TAF4B: variants seen among roughly 807,000 people sequenced by gnomAD.
TAF4B encodes the protein transcription initiation factor TFIID subunit 4B.
Under a neutral mutation model 86.4 loss-of-function variants are expected in TAF4B, and 38 were observed. The ratio of observed to expected loss-of-function variants is 0.44; its 90% confidence interval spans 0.34 to 0.58. TAF4B has a LOEUF of 0.58. Among genes scored for constraint, TAF4B ranks in the 20% least tolerant of loss-of-function variants. The probability of loss-of-function intolerance (pLI) is 0.02; values close to 1 mark genes in which losing one functional copy is unlikely to be tolerated. For missense variants in TAF4B, 988 were observed against 1,027.6 expected, an observed-to-expected ratio of 0.96 and a Z score of 0.53; for synonymous variants, 388 against 391.2, an observed-to-expected ratio of 0.99 and a Z score of 0.10.
At chr18:26,268,823 T>C (rs1490720423) in intron 3 of TAF4B, among the ~76,000 whole-genome samples, 1 of 151,684 alleles carries the variant, frequency 6.6e-6, no homozygotes, top group Non-Finnish European at 1.5e-5. Flanking sequence ...TGTTTTGTTT[T>C]ATTTTATTTT....
intron 13 of TAF4B, among the ~76,000 whole-genome samples, chr18:26,339,895 A>G (rs1037237816): frequency 1.3e-5 from 2 of 152,226 alleles, no homozygotes. Context: ...TCCTTTGGGA[A>G]ATGTGAGTTC....
chr18:26,238,827 A>G (rs950089563), intron 1 of TAF4B, among the ~76,000 whole-genome samples: 3 of 152,166 alleles, frequency 2.0e-5, no homozygotes, highest in Non-Finnish European at 2.9e-5. Context: ...CCTATGAGAT[A>G]GAACATGCGG....
At chr18:26,284,800 CAG>C (rs1409458337) in intron 6 of TAF4B, among the ~76,000 whole-genome samples, 4 of 151,994 alleles carry the variant, frequency 2.6e-5, no homozygotes, top group African/African-American at 4.8e-5. Context: ...ACTCAGGAGG[CAG>C]AGGTTGCAGA....
intron 13 of TAF4B, among the ~76,000 whole-genome samples, chr18:26,346,579 G>T (rs2057181099): frequency 6.6e-6 from 1 of 150,888 alleles, no homozygotes; most frequent in East Asian, 2.0e-4. Context: ...AGTCAAAGTC[G>T]ATTCTAAAAG....
intron 13 of TAF4B, among the ~76,000 whole-genome samples, chr18:26,355,316 C>T (rs1211276658): frequency 6.6e-6 from 1 of 152,116 alleles, no homozygotes; most frequent in Non-Finnish European, 1.5e-5. Context: ...CACAGATAAT[C>T]GTATCATTTG....
rs535376138 is a variant in TAF4B at position 26,390,112 on chromosome 18, C to A, written c.*100C>A. 3.8e-4 allele frequency: 477 copies of A among 1,258,004 alleles called. 2 individuals carry two copies. The African/African-American group carries it at 6.7e-3, about 18-fold the overall frequency. 77.9% of individuals were successfully genotyped at this position (1,258,004 alleles called of 1,614,324 possible). The stretch of plus-strand genomic sequence containing the variant: ...AATTTCAATTTCTGGAAAATAATCA[C>A]CAACATGAAAGAGCATTGTTTACAG... On this transcript the variant is annotated 3_prime_UTR_variant, in exon 15 of 15. Transcript: ENST00000269142.
At chr18:26,374,669 T>A (rs2088901497) in intron 14 of TAF4B, among the ~76,000 whole-genome samples, 1 of 152,242 alleles carries the variant, frequency 6.6e-6, no homozygotes. Context: ...AATTTCTCTG[T>A]GAAATTTGTC....
chr18:26,370,621 C>T (rs2057400118), intron 14 of TAF4B, among the ~76,000 whole-genome samples: 1 of 152,184 alleles, frequency 6.6e-6, no homozygotes, highest in South Asian at 2.1e-4. Flanking sequence ...CAGGTTCCAG[C>T]AGCCCCCAGA....
At chr18:26,384,005 A>G (rs1390811628) in intron 14 of TAF4B, among the ~76,000 whole-genome samples, 1 of 152,158 alleles carries the variant, frequency 6.6e-6, no homozygotes, top group Non-Finnish European at 1.5e-5. Context: ...TATCCAGGGC[A>G]CATTTATTTA....
chr18:26,239,705 G>A (rs1186088956), intron 1 of TAF4B, among the ~76,000 whole-genome samples: 2 of 152,198 alleles, frequency 1.3e-5, no homozygotes, highest in African/African-American at 4.8e-5. Flanking sequence ...TTCTTCTAGA[G>A]TTTTCATGGT....
At chr18:26,286,802 C>T (rs1314908923) in intron 7 of TAF4B, among the ~76,000 whole-genome samples, 1 of 152,046 alleles carries the variant, frequency 6.6e-6, no homozygotes, top group African/African-American at 2.4e-5. Flanking sequence ...TCATGCCTTA[C>T]CCTCCTGAGT....
Position 26,325,126 on chromosome 18 carries a change from A to C in TAF4B, c.2134-1889A>C, listed in dbSNP as rs2056993660. Among the ~76,000 whole-genome samples the C allele has an allele frequency of 5.3e-5, 8 of 152,266 alleles. No homozygotes were observed. The South Asian group carries it at 1.7e-3, about 31-fold the overall frequency. ...TCATAAACTGAGATCTAAGTAAATA[A>C]GTAGAAAGTGACATGTAGTACAGAG... On this transcript the variant is annotated intron_variant, in intron 11 of 14. Coordinates refer to ENST00000269142, the MANE Select transcript of TAF4B (RefSeq NM_005640.3).
Position 26,226,643 on chromosome 18 carries a change from G to T in TAF4B, c.-291G>T, listed in dbSNP as rs575053459. The T allele has an allele frequency of 7.6e-4, 228 of 299,552 alleles. 2 individuals carry two copies. Among genetic ancestry groups the T allele is most frequent in the Non-Finnish European group, 4.3e-4 (70 of 163,628 alleles). The allele number at this position is 299,552 out of a possible 1,614,324, so 18.6% of individuals were successfully genotyped here. On this transcript the variant is annotated 5_prime_UTR_variant, in exon 1 of 15. Transcript: ENST00000269142. ...CCGCAGCGGGACCCGAGCCTGAGGC[G>T]CAGGGCTGAGGCAGCGCACGTGTGA... is the stretch of plus-strand genomic sequence containing the variant.
At chr18:26,308,397 A>C (rs918102849) in intron 9 of TAF4B, among the ~76,000 whole-genome samples, 11 of 152,218 alleles carry the variant, frequency 7.2e-5, no homozygotes, top group Admixed American at 7.2e-4. Context: ...TGTGTACTTT[A>C]GTGCAGAATA....
intron 13 of TAF4B, among the ~76,000 whole-genome samples, chr18:26,342,230 T>C (rs1227723418): frequency 6.6e-6 from 1 of 152,208 alleles, no homozygotes; most frequent in African/African-American, 2.4e-5. Context: ...TTTAGATTTT[T>C]TCATACATTC....
intron 13 of TAF4B, among the ~76,000 whole-genome samples, chr18:26,341,400 G>C (rs1460090742): frequency 6.6e-6 from 1 of 151,598 alleles, no homozygotes; most frequent in Non-Finnish European, 1.5e-5. Context: ...CAGAGGACTG[G>C]AAAGAAAATG....
chr18:26,388,902 G>A (rs907685884), intron 14 of TAF4B, among the ~76,000 whole-genome samples: 10 of 152,022 alleles, frequency 6.6e-5, no homozygotes, highest in African/African-American at 1.7e-4. Context: ...TGCAACCTCC[G>A]CCTCCTGGGT....
At chr18:26,282,103 T>C (rs752842415) in intron 6 of TAF4B, 43 bp downstream of exon 6, 3 of 1,421,400 alleles carry the variant, frequency 2.1e-6, no homozygotes, top group Non-Finnish European at 2.9e-6. Flanking sequence ...TGGATTAGAT[T>C]ACTCTAAAAT....
chr18:26,322,447 AAC>A (rs146489745), intron 11 of TAF4B, among the ~76,000 whole-genome samples: 1,467 of 143,102 alleles, frequency 0.01, 9 homozygotes, highest in African/African-American at 0.033. Context: ...AATTCCTAGA[AAC>A]ACACAAAAAT....
Sources: gnomAD v4.1 joint callset for allele counts (sites outside exome capture counted in the v4.1 genomes callset) on GRCh38, gnomAD v4.1.1 for gene constraint, MANE v1.5 for transcripts, NCBI Gene and HGNC (gene_info 2026-07-23, HGNC 2026-07-21) for gene names.